Variants in THSD7B observed in about 807,000 individuals in gnomAD.
THSD7B encodes the protein thrombospondin type 1 domain containing 7B, also known as thrombospondin type-1 domain-containing protein 7B.
Under a neutral mutation model 213.6 loss-of-function variants are expected in THSD7B, and 138 were observed. That is an observed-to-expected ratio of 0.65 (90% CI 0.56 to 0.74). The LOEUF (loss-of-function observed/expected upper bound fraction) is 0.74, where lower values mean the gene tolerates loss of function less well. Ranked by LOEUF, THSD7B falls within the 30% of genes least tolerant of loss-of-function variation. The pLI, the probability that THSD7B is intolerant of heterozygous loss-of-function variation, is 0.00. For synonymous variants in THSD7B, 742 were observed against 687.0 expected, an observed-to-expected ratio of 1.08 and a Z score of -1.25; for missense variants, 1,931 against 1,991.5, an observed-to-expected ratio of 0.97 and a Z score of 0.58.
At chr2:137,049,072 A>G (rs1274564548) in intron 2 of THSD7B, among the ~76,000 whole-genome samples, 3 of 152,350 alleles carry the variant, frequency 2.0e-5, no homozygotes, top group Admixed American at 1.3e-4. Flanking sequence ...CATTTATTGT[A>G]AGTAAAGTCA....
chr2:136,899,776 A>G (rs2105010849), intron 2 of THSD7B, among the ~76,000 whole-genome samples: 1 of 152,310 alleles, frequency 6.6e-6, no homozygotes, highest in African/African-American at 2.4e-5. Flanking sequence ...AGTATTGAGT[A>G]TTATAAGCTG....
chr2:137,074,041 C>A (rs958312738), intron 3 of THSD7B, among the ~76,000 whole-genome samples: 8 of 151,986 alleles, frequency 5.3e-5, no homozygotes, highest in Non-Finnish European at 1.0e-4. Context: ...TAGTGTGGTG[C>A]TGAAAAGAAT....
intron 9 of THSD7B, among the ~76,000 whole-genome samples, chr2:137,233,505 G>C (rs868449587): frequency 6.6e-6 from 1 of 151,978 alleles, no homozygotes; most frequent in South Asian, 2.1e-4. Flanking sequence ...TGAAATATAG[G>C]GTTGTGTCTT....
chr2:136,893,882 G>T (rs550765), intron 2 of THSD7B, among the ~76,000 whole-genome samples: 113,652 of 152,074 alleles, frequency 0.75, 43,680 homozygotes, highest in East Asian at 0.92. Context: ...TCTAATAATA[G>T]GTACTATTAA....
At chr2:137,151,195 T>A (rs1348836669) in intron 5 of THSD7B, among the ~76,000 whole-genome samples, 1 of 152,240 alleles carries the variant, frequency 6.6e-6, no homozygotes, top group African/African-American at 2.4e-5. Flanking sequence ...TCTCAATTTT[T>A]AAAAACTTTT....
intron 21 of THSD7B, among the ~76,000 whole-genome samples, chr2:137,653,510 T>C (rs369849104): frequency 5.5e-4 from 84 of 151,838 alleles, no homozygotes; most frequent in African/African-American, 1.9e-3. Flanking sequence ...TATTTGAATA[T>C]GTTTTCGACG....
intron 10 of THSD7B, among the ~76,000 whole-genome samples, chr2:137,249,156 T>A (rs140799985): frequency 6.6e-6 from 1 of 152,284 alleles, no homozygotes; most frequent in East Asian, 1.9e-4. Flanking sequence ...GTTCTGCTGA[T>A]AAAATTCATT....
chr2:137,603,862 A>G (rs1463560823), intron 17 of THSD7B, among the ~76,000 whole-genome samples: 1 of 152,148 alleles, frequency 6.6e-6, no homozygotes, highest in Non-Finnish European at 1.5e-5. Flanking sequence ...TGTAATCCCA[A>G]CACTTTGGGA....
intron 14 of THSD7B, among the ~76,000 whole-genome samples, chr2:137,449,359 C>T (rs1687603512): frequency 1.3e-5 from 2 of 152,198 alleles, no homozygotes; most frequent in South Asian, 4.1e-4. Context: ...CTTAGCTTTT[C>T]CATTGTTGCA....
chr2:137,282,325 T>C (rs1175967959), intron 12 of THSD7B, among the ~76,000 whole-genome samples: 2 of 152,214 alleles, frequency 1.3e-5, no homozygotes, highest in African/African-American at 4.8e-5. Flanking sequence ...GATGAGTAGG[T>C]TGCAAAAGTT....
intron 12 of THSD7B, among the ~76,000 whole-genome samples, chr2:137,364,021 C>T (rs183125475): frequency 1.1e-3 from 167 of 152,308 alleles, no homozygotes; most frequent in Non-Finnish European, 2.1e-3. Context: ...AATCCAGCAG[C>T]GCATCAAAAA....
chr2:137,587,618 C>T (rs971446793), intron 17 of THSD7B, among the ~76,000 whole-genome samples: 2 of 152,178 alleles, frequency 1.3e-5, no homozygotes, highest in African/African-American at 4.8e-5. Context: ...CCCTGTTTGC[C>T]TGGGTATCAG....
chr2:137,020,665 G>A (rs568019764), intron 2 of THSD7B, among the ~76,000 whole-genome samples: 36 of 152,252 alleles, frequency 2.4e-4, no homozygotes, highest in African/African-American at 8.7e-4. Flanking sequence ...TAGCCTCCAG[G>A]CAGCTGGATT....
chr2:137,132,096 A>T (rs1343968799), intron 5 of THSD7B, among the ~76,000 whole-genome samples: 1 of 149,412 alleles, frequency 6.7e-6, no homozygotes, highest in African/African-American at 2.5e-5. Flanking sequence ...GGTCCTTCAC[A>T]TCCCTTGTAA....
At chr2:137,083,639 T>A (rs1329989817) in intron 3 of THSD7B, among the ~76,000 whole-genome samples, 2 of 152,152 alleles carry the variant, frequency 1.3e-5, no homozygotes, top group African/African-American at 4.8e-5. Context: ...TACATTCTGA[T>A]TTCCCAGATA....
intron 2 of THSD7B, among the ~76,000 whole-genome samples, chr2:137,046,923 TA>T (rs1686982004): frequency 6.6e-6 from 1 of 152,028 alleles, no homozygotes; most frequent in Non-Finnish European, 1.5e-5. Flanking sequence ...ACTTGTATGT[TA>T]TGTTAATAAT....
At chr2:136,844,632 G>A (rs1415267117) in intron 1 of THSD7B, among the ~76,000 whole-genome samples, 3 of 152,160 alleles carry the variant, frequency 2.0e-5, no homozygotes, top group Admixed American at 2.0e-4. Flanking sequence ...TTGGATCTGA[G>A]CACACATAGG....
At chr2:137,617,080 C>T (rs1455661726) in intron 18 of THSD7B, among the ~76,000 whole-genome samples, 2 of 152,092 alleles carry the variant, frequency 1.3e-5, no homozygotes, top group Admixed American at 1.3e-4. Flanking sequence ...TGAGATTCCT[C>T]TTGTGGAAAA....
intron 1 of THSD7B, among the ~76,000 whole-genome samples, chr2:136,872,814 CAAAAAAAAA>C (rs60759275): frequency 3.1e-5 from 2 of 65,540 alleles, no homozygotes; most frequent in Non-Finnish European, 5.4e-5. Context: ...ACTGAAAATA[CAAAAAAAAA>C]AAAAAAAAAA....
Sources: gnomAD v4.1 joint callset for allele counts (sites outside exome capture counted in the v4.1 genomes callset) on GRCh38, gnomAD v4.1.1 for gene constraint, MANE v1.5 for transcripts, NCBI Gene and HGNC (gene_info 2026-07-23, HGNC 2026-07-21) for gene names.